The following ZNF251 variants were observed in gnomAD, a reference collection of about 807,000 sequenced individuals.
ZNF251 encodes zinc finger protein 251.
In ZNF251, 14 loss-of-function variants were observed where a neutral mutation model predicts 13.5. The ratio of observed to expected loss-of-function variants is 1.04; its 90% CI spans 0.69 to 1.63. The LOEUF is 1.63. ZNF251 is among the 40% of genes most tolerant of loss of function. The pLI, the probability that ZNF251 is intolerant of heterozygous loss-of-function variation, is 0.00. For missense variants in ZNF251, 764 were observed against 834.9 expected, an observed-to-expected ratio of 0.92 and a Z score of 1.05; for synonymous variants, 287 against 295.2, an observed-to-expected ratio of 0.97 and a Z score of 0.28.
rs182201470 is a variant in ZNF251 at position 144,723,324 on chromosome 8, T to C, written c.336A>G (p.Glu112=). The change falls in exon 5 of 5, where the codon GAA becomes GAG. Residue 112 remains glutamate, a synonymous_variant. Coordinates refer to ENST00000292562, the MANE Select transcript of ZNF251 (RefSeq NM_138367.2). ...LSILNQKFSE[E]VKTPEFVSRR... is the part of the protein sequence containing the mutation. ...TTGATACAAATTCTGGGGTTTTTAC[T>C]TCTTCGGAAAATTTTTGGTTTAAAA... 1.4e-5 allele frequency: 21 copies of C among 1,547,338 alleles called. No homozygotes were observed. The highest frequency in any genetic ancestry group is 1.7e-4 in the Middle Eastern group (1 of 5,780).
Position 144,754,658 on chromosome 8 carries a change from G to A in ZNF251, c.33+38C>T, listed in dbSNP as rs370895774. 3 of 1,587,144 alleles carry A rather than the reference G, an allele frequency of 1.9e-6. No homozygotes were observed. In the African/African-American group the frequency reaches 4.0e-5, roughly 21 times the overall value. On this transcript the variant is annotated intron_variant, in intron 2 of 4. Coordinates refer to ENST00000292562, the MANE Select transcript of ZNF251 (RefSeq NM_138367.2). ...AGTAGCTTCTGACTGGGATGGGGATGAAGATGAAGAGGTGGGCAGGAAGGA... is the reference window on the plus strand; with the variant it reads ...AGTAGCTTCTGACTGGGATGGGGATAAAGATGAAGAGGTGGGCAGGAAGGA...
intron 4 of ZNF251, among the ~76,000 whole-genome samples, chr8:144,730,442 CCGGGGG>C (rs1823660803): frequency 0.095 from 8 of 84 alleles, 1 homozygote; most frequent in African/African-American, 0.11. Context: ...ACGGGGCGTC[CCGGGGG>C]TGACACTGGC....
In ZNF251 at chr8:144,734,476, G is replaced by T. The variant is rs900775828; in HGVS notation, c.278-11094C>A. Among the ~76,000 whole-genome samples the T allele has an allele frequency of 2.0e-5, 3 of 152,204 alleles. No individual in the cohort carries two copies. Among genetic ancestry groups the T allele is most frequent in the Non-Finnish European group, 4.4e-5 (3 of 68,030 alleles). ...GCCTCCACCTGGCTCTGAGATGAGT[G>T]TAAGGCTCACAGCAACGGCATGAAC... On this transcript the variant is annotated intron_variant, in intron 4 of 4. Coordinates refer to ENST00000292562, the MANE Select transcript of ZNF251 (RefSeq NM_138367.2). The surrounding 1 kb of genome is among the most constrained non-coding windows in gnomAD (Gnocchi z 4.4).
chr8:144,748,865 G>A (rs999155613), intron 4 of ZNF251, among the ~76,000 whole-genome samples: 39 of 152,182 alleles, frequency 2.6e-4, no homozygotes, highest in African/African-American at 9.2e-4. Context: ...GGCCGAAGCA[G>A]GTTCCTTATA....
chr8:144,753,373 G>A (rs1824790955), intron 4 of ZNF251: 1 of 210,980 alleles, frequency 4.7e-6, no homozygotes, highest in Non-Finnish European at 9.3e-6. Flanking sequence ...GTAGGGTACC[G>A]ATATCTATTG....
Position 144,752,749 on chromosome 8 carries a change from T to C in ZNF251, c.277+934A>G, listed in dbSNP as rs193105684. Among the ~76,000 whole-genome samples, 23 of 152,276 alleles carry C rather than the reference T, an allele frequency of 1.5e-4. No homozygotes were observed. In the East Asian group the frequency reaches 4.0e-3, roughly 27 times the overall value. On this transcript the variant is annotated intron_variant, in intron 4 of 4. Coordinates refer to ENST00000292562, the MANE Select transcript of ZNF251 (RefSeq NM_138367.2). ...AGATAAACAATTATTAATAACATAC[T>C]TAACTGGAGATATAAGCCAGTAACA...
intron 4 of ZNF251, among the ~76,000 whole-genome samples, chr8:144,729,751 T>C (rs1823638404): frequency 6.6e-6 from 1 of 152,056 alleles, no homozygotes; most frequent in African/African-American, 2.4e-5. Context: ...ATCCCCGCAC[T>C]TTGGGAGGCT....
intron 4 of ZNF251, among the ~76,000 whole-genome samples, chr8:144,743,345 T>C (rs1385819058): frequency 6.6e-6 from 1 of 152,188 alleles, no homozygotes; most frequent in Admixed American, 6.6e-5. Context: ...GTTACAGGCA[T>C]GAAGCACCGT....
chr8:144,752,212 A>C (rs1464768266), intron 4 of ZNF251, among the ~76,000 whole-genome samples: 1 of 151,878 alleles, frequency 6.6e-6, no homozygotes, highest in East Asian at 1.9e-4. Context: ...GACTTAACTG[A>C]TATTTATCTA....
At chr8:144,736,741 C>T (rs899478905) in intron 4 of ZNF251, among the ~76,000 whole-genome samples, 4 of 152,014 alleles carry the variant, frequency 2.6e-5, no homozygotes, top group African/African-American at 9.7e-5. Context: ...ATCCATCTGC[C>T]TTGGCCTCCC....
chr8:144,728,832 G>T (rs112847831), intron 4 of ZNF251, among the ~76,000 whole-genome samples: 5,517 of 152,066 alleles, frequency 0.036, 310 homozygotes, highest in African/African-American at 0.12. Flanking sequence ...GCTCGCACTT[G>T]TAATCCCAAC....
intron 4 of ZNF251, among the ~76,000 whole-genome samples, chr8:144,739,005 G>C (rs200637629): frequency 6.6e-6 from 1 of 151,902 alleles, no homozygotes. Flanking sequence ...CTTCCTGACG[G>C]GGATGGCCAA....
chr8:144,753,512 A>G (rs1422565058), intron 4 of ZNF251, 171 bp downstream of exon 4: 2 of 561,932 alleles, frequency 3.6e-6, no homozygotes, highest in African/African-American at 3.8e-5. Context: ...AGCAAGATAA[A>G]ACTTCTAAAG....
chr8:144,744,924 C>T (rs992458303), intron 4 of ZNF251, among the ~76,000 whole-genome samples: 21 of 152,228 alleles, frequency 1.4e-4, no homozygotes, highest in Non-Finnish European at 1.9e-4. Flanking sequence ...GGCGTGGTGG[C>T]GGGCGCCTGT....
intron 4 of ZNF251, among the ~76,000 whole-genome samples, chr8:144,735,818 A>T (rs925418250): frequency 2.0e-5 from 3 of 152,058 alleles, no homozygotes; most frequent in African/African-American, 7.2e-5. Context: ...GTACCATGGG[A>T]CTATCTCCAG....
chr8:144,735,133 C>G (rs1486562585), intron 4 of ZNF251, among the ~76,000 whole-genome samples: 1 of 151,682 alleles, frequency 6.6e-6, no homozygotes, highest in Admixed American at 6.6e-5. Flanking sequence ...CGCCTGTAAT[C>G]CCAACACTTT....
rs1363686684 is a variant in ZNF251, at chr8:144,734,190, G to A, written c.278-10808C>T. 2.0e-5 allele frequency among the ~76,000 whole-genome samples: 3 copies of A among 152,166 alleles called. No individual in the cohort carries two copies. The highest frequency in any genetic ancestry group is 7.2e-5 in the African/African-American group (3 of 41,444). ...TTTTCCTTTGTCCCAGCGCTGAGCCGAGCGGAGCTCCTGGCTGTAAGGACA... is the reference window on the plus strand; with the variant it reads ...TTTTCCTTTGTCCCAGCGCTGAGCCAAGCGGAGCTCCTGGCTGTAAGGACA... On this transcript the variant is annotated intron_variant, in intron 4 of 4. Transcript: ENST00000292562. This position sits in a 1 kb window ranked among gnomAD's most constrained non-coding sequence, Gnocchi z 4.4.
At chr8:144,741,676 A>G (rs1024192438) in intron 4 of ZNF251, among the ~76,000 whole-genome samples, 1 of 152,226 alleles carries the variant, frequency 6.6e-6, no homozygotes, top group African/African-American at 2.4e-5. Context: ...AAAAGGAATA[A>G]AACAGTCATT....
At chr8:144,753,596 C>T (rs773071821) in intron 4 of ZNF251, 87 bp downstream of exon 4, 18 of 1,069,268 alleles carry the variant, frequency 1.7e-5, no homozygotes, top group African/African-American at 1.3e-4. Flanking sequence ...TTAATATGAA[C>T]GCCATGCCCC....
Sources: gnomAD v4.1 joint callset for allele counts (sites outside exome capture counted in the v4.1 genomes callset) on GRCh38, gnomAD v4.1.1 for gene constraint, Gnocchi (gnomAD v3.1) non-coding constraint, MANE v1.5 for transcripts, NCBI Gene and HGNC (gene_info 2026-07-23, HGNC 2026-07-21) for gene names.